The following LDLRAD4 variants were observed in gnomAD, a reference collection of about 807,000 sequenced individuals.
LDLRAD4 encodes low density lipoprotein receptor class A domain containing 4.
A neutral mutation model predicts 17.0 loss-of-function variants in LDLRAD4; 5 were observed. The ratio of observed to expected loss-of-function variants is 0.29; its 90% CI spans 0.15 to 0.62. The LOEUF (loss-of-function observed/expected upper bound fraction) is 0.62. Among genes scored for constraint, LDLRAD4 ranks in the 20% least tolerant of loss-of-function variants. The probability of loss-of-function intolerance (pLI) is 0.84; values close to 1 mark genes in which losing one functional copy is unlikely to be tolerated. For missense variants in LDLRAD4, 340 were observed against 424.7 expected (o/e 0.80, Z 1.75); for synonymous variants, 168 against 171.8 (o/e 0.98, Z 0.17).
At chr18:13,220,887 CTGACGTCTCTGCATG>C (rs2041414556) in intron 1 of LDLRAD4, among the ~76,000 whole-genome samples, 1 of 152,246 alleles carries the variant, frequency 6.6e-6, no homozygotes, top group South Asian at 2.1e-4. Flanking sequence ...CCCTGAGCTC[CTGACGTCTCTGCATG>C]TAGCCAGCAT....
intron 1 of LDLRAD4, among the ~76,000 whole-genome samples, chr18:13,333,056 C>T (rs977332914): frequency 1.3e-5 from 2 of 152,096 alleles, no homozygotes; most frequent in Admixed American, 1.3e-4. Flanking sequence ...AGTTCTGTTG[C>T]CCTACATCCT....
In LDLRAD4 at chr18:13,621,322, T is replaced by C; in HGVS notation, c.336+51T>C. ...CAGAGTCAGGCAGCTGCAAGAGGCT[T>C]AGGAGCCCATCAGGGTTCAGAGGCC... On this transcript the variant is annotated intron_variant, in intron 4 of 5. Transcript: ENST00000359446. This position sits in a 1 kb window ranked among gnomAD's most constrained non-coding sequence, Gnocchi z 5.5. The C allele has an allele frequency of 6.9e-7, 1 of 1,453,592 alleles. No individual in the cohort carries two copies. The highest frequency in any genetic ancestry group is 1.1e-5 in the South Asian group (1 of 87,906). 90.0% of individuals were successfully genotyped at this position (1,453,592 alleles called of 1,614,324 possible).
At chr18:13,313,327 T>C (rs973747522) in intron 1 of LDLRAD4, among the ~76,000 whole-genome samples, 8 of 152,170 alleles carry the variant, frequency 5.3e-5, no homozygotes, top group Non-Finnish European at 1.2e-4. Flanking sequence ...GAGGTGTTAT[T>C]CCCTAGCTCT....
In LDLRAD4 at chr18:13,393,641, G is replaced by A. The variant is rs115386655; in HGVS notation, c.40+5879G>A. ...GTCATGAGACCGTCTCCCTGCCTCCGTTCTCTCCTCTCTCTAGTTCTGCCG... is the reference window on the plus strand; with the variant it reads ...GTCATGAGACCGTCTCCCTGCCTCCATTCTCTCCTCTCTCTAGTTCTGCCG... On this transcript the variant is annotated intron_variant, in intron 2 of 5. Transcript: ENST00000359446. Among the ~76,000 whole-genome samples the A allele has an allele frequency of 7.7e-3, 1,165 of 152,232 alleles. 18 individuals are homozygous for A. Among genetic ancestry groups the A allele is most frequent in the African/African-American group, 0.025 (1,044 of 41,536 alleles).
At chr18:13,606,643 ATATCAAAC>A (rs2095227400) in intron 3 of LDLRAD4, among the ~76,000 whole-genome samples, 1 of 152,230 alleles carries the variant, frequency 6.6e-6, no homozygotes, top group Non-Finnish European at 1.5e-5. Context: ...ATGTCCACAA[ATATCAAAC>A]TATTTCCATG....
At chr18:13,329,708 A>T (rs1465151715) in intron 1 of LDLRAD4, among the ~76,000 whole-genome samples, 3 of 152,134 alleles carry the variant, frequency 2.0e-5, no homozygotes, top group African/African-American at 7.2e-5. Context: ...TGAGTTACGG[A>T]TCCAATTTTC....
intron 1 of LDLRAD4, among the ~76,000 whole-genome samples, chr18:13,347,403 ACT>A (rs1415842440): frequency 6.6e-6 from 1 of 151,984 alleles, no homozygotes; most frequent in Non-Finnish European, 1.5e-5. Context: ...ATTGGCTCCC[ACT>A]CTCTTCTGGC....
In LDLRAD4 at chr18:13,464,584, T is replaced by C. The variant is rs1600539463; in HGVS notation, c.181+26200T>C. The stretch of plus-strand genomic sequence containing the variant: ...CACAAGTGGATAGCAGATGTGACAA[T>C]ACCACTGTCTGCCACAGGGAATAAT... On this transcript the variant is annotated intron_variant, in intron 3 of 5. Coordinates refer to ENST00000359446, the Ensembl canonical transcript of LDLRAD4. 3.3e-5 allele frequency among the ~76,000 whole-genome samples: 5 copies of C among 152,204 alleles called. No homozygotes were observed. The South Asian group carries it at 1.0e-3, about 32-fold the overall frequency.
intron 3 of LDLRAD4, among the ~76,000 whole-genome samples, chr18:13,594,848 T>C (rs2095075685): frequency 6.6e-6 from 1 of 152,134 alleles, no homozygotes; most frequent in Non-Finnish European, 1.5e-5. Context: ...AAAATTTACC[T>C]GTAAAGCCAT....
intron 3 of LDLRAD4, among the ~76,000 whole-genome samples, chr18:13,580,498 G>A (rs1278542326): frequency 2.0e-5 from 3 of 152,248 alleles, no homozygotes; most frequent in Admixed American, 2.0e-4. Flanking sequence ...TGCTTGATGA[G>A]TGTCGGCTGC....
rs141775178 is a variant in LDLRAD4 at position 13,435,402 on chromosome 18, T to C, written c.41-2842T>C. ...GAAAGACCTTACTCTGATATTGGGC[T>C]AATGACTCACTGCTGAGATTTAGAT... On this transcript the variant is annotated intron_variant, in intron 2 of 5. Transcript: ENST00000359446. 5.8e-3 allele frequency among the ~76,000 whole-genome samples: 878 copies of C among 152,352 alleles called. 6 individuals carry two copies. The highest frequency in any genetic ancestry group is 0.02 in the African/African-American group (818 of 41,580).
At chr18:13,611,760 A>C in intron 3 of LDLRAD4, 1 of 985,592 alleles carries the variant, frequency 1.0e-6, no homozygotes, top group Non-Finnish European at 1.2e-6. Context: ...GGGAGAGGGA[A>C]TGAATGGGAG....
chr18:13,561,652 T>C (rs1482703460), intron 3 of LDLRAD4: 7 of 152,078 alleles, frequency 4.6e-5, no homozygotes, highest in African/African-American at 1.4e-4. Flanking sequence ...ATGACACCTG[T>C]GCAAAGACGG....
intron 1 of LDLRAD4, chr18:13,382,739 C>T (rs1334926999): frequency 6.6e-6 from 1 of 152,304 alleles, no homozygotes; most frequent in Non-Finnish European, 1.5e-5. Context: ...TAAGTTGCCT[C>T]TTCCTGTATT....
rs138826525 is a variant in LDLRAD4 at position 13,411,691 on chromosome 18, C to G, written c.40+23929C>G. Among the ~76,000 whole-genome samples the G allele has an allele frequency of 4.3e-3, 649 of 152,282 alleles. 12 individuals are homozygous for G. In the East Asian group the frequency reaches 0.054, roughly 13 times the overall value. On this transcript the variant is annotated intron_variant, in intron 2 of 5. Transcript: ENST00000359446. Reference sequence around the variant, plus strand: ...TTCAGCCATGATTGTGAGGCCTCCCCAGCCATGTGGAACTGTGAGTCCATT... The same window carrying G: ...TTCAGCCATGATTGTGAGGCCTCCCGAGCCATGTGGAACTGTGAGTCCATT...
chr18:13,515,511 A>G (rs1241044669), intron 3 of LDLRAD4: 3 of 152,210 alleles, frequency 2.0e-5, no homozygotes, highest in Admixed American at 2.0e-4. Context: ...AGCAAATGCT[A>G]AATTGTCATG....
At chr18:13,497,109 A>G (rs1268024568) in intron 3 of LDLRAD4, among the ~76,000 whole-genome samples, 2 of 152,238 alleles carry the variant, frequency 1.3e-5, no homozygotes, top group Non-Finnish European at 2.9e-5. Context: ...AGCATTCTCT[A>G]GTCTAAATAA....
chr18:13,642,586 C>G, intron 4 of LDLRAD4: 1 of 1,228,570 alleles, frequency 8.1e-7, no homozygotes, highest in Non-Finnish European at 1.0e-6. Flanking sequence ...AGCCCAGGCT[C>G]GGAAAGGGCC....
intron 1 of LDLRAD4, chr18:13,362,600 A>T (rs2083749741): frequency 6.6e-6 from 1 of 152,264 alleles, no homozygotes; most frequent in Non-Finnish European, 1.5e-5. Context: ...AGAAATATGA[A>T]CACATCTTAG....
Sources: gnomAD v4.1 joint callset for allele counts (sites outside exome capture counted in the v4.1 genomes callset) on GRCh38, gnomAD v4.1.1 for gene constraint, Gnocchi (gnomAD v3.1) non-coding constraint, MANE v1.5 for transcripts, NCBI Gene and HGNC (gene_info 2026-07-23, HGNC 2026-07-21) for gene names.